The following COL6A6 variants were observed in gnomAD, a reference collection of about 807,000 sequenced individuals.
The protein encoded by COL6A6 is collagen alpha-6(VI) chain.
COL6A6 carries 183 observed loss-of-function variants against 208.6 expected under a neutral mutation model. That is an observed-to-expected ratio of 0.88 (90% CI 0.78 to 0.99). The LOEUF is 0.99. Among genes scored for constraint, COL6A6 ranks in the 50% least tolerant of loss-of-function variants. COL6A6 has a pLI of 0.00. For synonymous variants in COL6A6, 973 were observed against 1,011.8 expected (o/e 0.96, Z 0.73); for missense variants, 2,816 against 2,815.2 (o/e 1.00, Z -0.01).
intron 1 of COL6A6, among the ~76,000 whole-genome samples, chr3:130,543,030 C>G (rs139948080): frequency 6.6e-6 from 1 of 151,560 alleles, no homozygotes; most frequent in Non-Finnish European, 1.5e-5. Flanking sequence ...CTCAGCCTCC[C>G]GAGTAGCTAG....
chr3:130,673,219 A>AC (rs1559810201), intron 36 of COL6A6, among the ~76,000 whole-genome samples: 62 of 109,594 alleles, frequency 5.7e-4, no homozygotes, highest in African/African-American at 2.9e-3. Context: ...AAAAAAAACA[A>AC]AAAAAAAAAA....
At chr3:130,664,685 A>C (rs1190088470) in intron 35 of COL6A6, among the ~76,000 whole-genome samples, 1 of 152,188 alleles carries the variant, frequency 6.6e-6, no homozygotes, top group Non-Finnish European at 1.5e-5. Context: ...TACTCTTGTT[A>C]GTTTATATCA....
At chr3:130,640,390 CATTTTA>C (rs1441125660) in intron 28 of COL6A6, among the ~76,000 whole-genome samples, 5 of 152,128 alleles carry the variant, frequency 3.3e-5, no homozygotes, top group Non-Finnish European at 7.4e-5. Flanking sequence ...TACTTACTGT[CATTTTA>C]GTAAGATATT....
intron 10 of COL6A6, among the ~76,000 whole-genome samples, chr3:130,584,599 A>AT (rs906805856): frequency 1.9e-4 from 29 of 151,358 alleles, no homozygotes; most frequent in African/African-American, 6.1e-4. Flanking sequence ...TTCTTTTTTT[A>AT]TTTTTTTTAT....
chr3:130,565,223 G>C lies in COL6A6; in HGVS notation c.891G>C (p.Gln297His). Residue 297 changes from glutamine (Q) to histidine (H), a missense_variant, in exon 4 of 37, where the codon CAG (glutamine) becomes CAC (histidine). By Grantham distance (24) the Gln-to-His change is conservative. Coordinates refer to ENST00000358511, the MANE Select transcript of COL6A6 (RefSeq NM_001102608.3). Reference protein sequence around the residue: ...INKSEVLQHIQNLSPRTGKAY... With the variant: ...INKSEVLQHIHNLSPRTGKAY... ...AGTCAGAGGTTCTCCAGCATATACA[G>C]AACCTTTCTCCCCGAACTGGGAAGG... is the stretch of plus-strand genomic sequence containing the variant. The C allele has an allele frequency of 6.2e-7, 1 of 1,614,026 alleles. No individual in the cohort carries two copies. Among genetic ancestry groups the C allele is most frequent in the South Asian group, 1.1e-5 (1 of 91,090 alleles).
In COL6A6 at chr3:130,571,185, C is replaced by T. The variant is rs987188291; in HGVS notation, c.2769C>T (p.Ser923=). Reference sequence around the variant, plus strand: ...TCATTGTGATCACCGATGGGGAATCCCATGATGCTGATAAACTCAATGCCA... The same window carrying T: ...TCATTGTGATCACCGATGGGGAATCTCATGATGCTGATAAACTCAATGCCA... ...QVLIVITDGE[S]HDADKLNATA... The change falls in exon 7 of 37, where the codon TCC becomes TCT. Residue 923 remains serine (S), a synonymous_variant. Transcript: ENST00000358511. 8 of 1,613,356 alleles carry T rather than the reference C, an allele frequency of 5.0e-6. No individual in the cohort carries two copies. The African/African-American group carries it at 9.3e-5, about 19-fold the overall frequency.
intron 33 of COL6A6, among the ~76,000 whole-genome samples, chr3:130,654,793 A>C (rs915705059): frequency 3.3e-5 from 5 of 152,188 alleles, no homozygotes; most frequent in African/African-American, 4.8e-5. Flanking sequence ...CCGGGGTCTT[A>C]TTATTACTCA....
chr3:130,658,436 G>A (rs2065853293), intron 33 of COL6A6, among the ~76,000 whole-genome samples: 1 of 152,182 alleles, frequency 6.6e-6, no homozygotes, highest in Non-Finnish European at 1.5e-5. Context: ...CTGTTAGGAG[G>A]TAGTAGTACT....
chr3:130,567,543 C>T (rs940056376), intron 5 of COL6A6, among the ~76,000 whole-genome samples: 5 of 152,144 alleles, frequency 3.3e-5, no homozygotes, highest in East Asian at 1.9e-4. Context: ...GTACACCACA[C>T]GTGTAATATG....
intron 35 of COL6A6, among the ~76,000 whole-genome samples, chr3:130,663,283 G>T (rs2065984082): frequency 6.6e-6 from 1 of 152,140 alleles, no homozygotes; most frequent in African/African-American, 2.4e-5. Flanking sequence ...AGAACCAGTA[G>T]TACCAGTGTC....
In COL6A6 at chr3:130,675,575, C is replaced by T. The variant is rs2066339515; in HGVS notation, c.*178C>T. The T allele has an allele frequency of 3.9e-6, 2 of 508,472 alleles. No individual in the cohort carries two copies. Among genetic ancestry groups the T allele is most frequent in the East Asian group, 5.8e-5 (2 of 34,316 alleles). 31.5% of individuals were successfully genotyped at this position (508,472 alleles called of 1,614,324 possible). A position where few individuals can be genotyped will look rare whatever the true frequency, so the allele number is the denominator to read the frequency against. ...TTTATTTGACCACTCCTGACAATTC[C>T]AGCACTCTACGACTGATATGTCGAA... On this transcript the variant is annotated 3_prime_UTR_variant, in exon 37 of 37. Transcript: ENST00000358511.
intron 20 of COL6A6, among the ~76,000 whole-genome samples, chr3:130,601,636 C>T (rs1391668000): frequency 1.3e-5 from 2 of 152,210 alleles, no homozygotes; most frequent in South Asian, 4.1e-4. Context: ...ATTTAAACCA[C>T]ACCACTCCCA....
At chr3:130,575,955 C>T (rs923278817) in intron 8 of COL6A6, among the ~76,000 whole-genome samples, 1 of 152,066 alleles carries the variant, frequency 6.6e-6, no homozygotes, top group Admixed American at 6.6e-5. Context: ...ATGCCTTTCT[C>T]AGCCTCTGGG....
At chr3:130,668,055 A>C (rs1168758435) in intron 36 of COL6A6, among the ~76,000 whole-genome samples, 2 of 151,870 alleles carry the variant, frequency 1.3e-5, no homozygotes, top group Non-Finnish European at 2.9e-5. Context: ...GCCAAAAAAA[A>C]AGACAAGCAG....
At chr3:130,656,533 T>A (rs142631115) in intron 33 of COL6A6, among the ~76,000 whole-genome samples, 1 of 152,074 alleles carries the variant, frequency 6.6e-6, no homozygotes, top group Non-Finnish European at 1.5e-5. Flanking sequence ...TGTGTGCTGA[T>A]TGATTAATGG....
At chr3:130,605,711 C>T (rs1006253696) in intron 20 of COL6A6, among the ~76,000 whole-genome samples, 7 of 152,080 alleles carry the variant, frequency 4.6e-5, no homozygotes, top group Admixed American at 1.3e-4. Flanking sequence ...TCCATTTTCA[C>T]GCTTCTGAGA....
chr3:130,593,377 C>T, intron 17 of COL6A6, 125 bp downstream of exon 17: 1 of 738,974 alleles, frequency 1.4e-6, no homozygotes, highest in Non-Finnish European at 2.3e-6. Context: ...ACCTCAATCA[C>T]ATACAACGAT....
At chr3:130,641,052 A>T (rs1184302810) in intron 28 of COL6A6, among the ~76,000 whole-genome samples, 3 of 152,230 alleles carry the variant, frequency 2.0e-5, no homozygotes, top group African/African-American at 7.2e-5. Context: ...AGTCACACGG[A>T]ACTTTTTAAA....
chr3:130,565,592 G>A lies in COL6A6; in HGVS notation c.1260G>A (p.Glu420=), dbSNP rs1372673724. 6.2e-7 allele frequency: 1 copy of A among 1,613,168 alleles called. No homozygotes were observed. The change falls in exon 4 of 37, where the codon GAG becomes GAA. Residue 420 remains glutamate (E), a synonymous_variant. Transcript: ENST00000358511. The part of the protein sequence containing the change: ...QITHTVSVFS[E]RTETLKSGCV... The stretch of plus-strand genomic sequence containing the variant: ...CACACACAGTCTCTGTCTTTTCAGA[G>A]AGGACTGAAACGCTCAAATCTGGTA...
Sources: allele counts gnomAD v4.1 joint callset (sites outside exome capture counted in the v4.1 genomes callset), GRCh38; gene constraint gnomAD v4.1.1; transcripts MANE v1.5; gene names NCBI Gene and HGNC (gene_info 2026-07-23, HGNC 2026-07-21).